The following STPG2 variants were observed in gnomAD, a reference collection of about 807,000 sequenced individuals.
The protein encoded by STPG2 is sperm tail PG-rich repeat containing 2.
A neutral mutation model predicts 54.2 loss-of-function variants in STPG2; 56 were observed. That is an observed-to-expected ratio of 1.03 (90% CI 0.83 to 1.29). The LOEUF (loss-of-function observed/expected upper bound fraction) is 1.29. Ranked by LOEUF, STPG2 falls within the 50% of genes most tolerant of loss-of-function variation. The pLI, the probability that STPG2 is intolerant of heterozygous loss-of-function variation, is 0.00. For missense variants in STPG2, 596 were observed against 544.9 expected (o/e 1.09, Z -0.93); for synonymous variants, 200 against 181.8 (o/e 1.10, Z -0.81).
intron 5 of STPG2, among the ~76,000 whole-genome samples, chr4:98,049,475 T>G (rs1737244410): frequency 6.6e-6 from 1 of 152,180 alleles, no homozygotes; most frequent in African/African-American, 2.4e-5. Flanking sequence ...GGCTCCCAAC[T>G]ATCAAAAACA....
intron 4 of STPG2, among the ~76,000 whole-genome samples, chr4:97,518,899 C>T (rs528841472): frequency 3.3e-5 from 5 of 152,122 alleles, no homozygotes; most frequent in African/African-American, 1.2e-4. Context: ...ATGCTAATGC[C>T]AGGGAACATT....
At chr4:97,633,985 C>A (rs1305687169) in intron 10 of STPG2, among the ~76,000 whole-genome samples, 2 of 152,176 alleles carry the variant, frequency 1.3e-5, no homozygotes, top group African/African-American at 4.8e-5. Flanking sequence ...TGGGTGGAGC[C>A]CACCACAGCT....
intron 4 of STPG2, among the ~76,000 whole-genome samples, chr4:97,545,598 G>C (rs1045292886): frequency 1.1e-4 from 16 of 152,008 alleles, no homozygotes; most frequent in African/African-American, 3.9e-4. Flanking sequence ...AATTACCAGG[G>C]TTAGTCTAGG....
At chr4:98,003,350 G>A (rs1226274897) in intron 5 of STPG2, among the ~76,000 whole-genome samples, 1 of 151,814 alleles carries the variant, frequency 6.6e-6, no homozygotes, top group African/African-American at 2.4e-5. Flanking sequence ...TGCTCTGTTG[G>A]AACATTTGGA....
At chr4:97,962,688 T>C (rs191486071) in intron 7 of STPG2, among the ~76,000 whole-genome samples, 1 of 152,334 alleles carries the variant, frequency 6.6e-6, no homozygotes, top group Admixed American at 6.5e-5. Context: ...TCACTTAGTA[T>C]TGCAACAACA....
intron 5 of STPG2, among the ~76,000 whole-genome samples, chr4:98,018,122 C>T (rs897366966): frequency 1.3e-5 from 2 of 151,992 alleles, no homozygotes; most frequent in Admixed American, 6.6e-5. Flanking sequence ...CACCCAATAA[C>T]TCATCATTTA....
At chr4:97,816,217 T>A (rs1030282440) in intron 9 of STPG2, among the ~76,000 whole-genome samples, 36 of 152,296 alleles carry the variant, frequency 2.4e-4, no homozygotes, top group African/African-American at 8.4e-4. Context: ...AACTTATCCT[T>A]TTTTATGGCT....
intron 8 of STPG2, among the ~76,000 whole-genome samples, chr4:97,879,305 C>G (rs972413933): frequency 6.6e-6 from 1 of 152,182 alleles, no homozygotes; most frequent in Non-Finnish European, 1.5e-5. Flanking sequence ...AGCAGTGCCC[C>G]ACTCTACTGG....
intron 8 of STPG2, among the ~76,000 whole-genome samples, chr4:97,914,822 G>A (rs1214330146): frequency 2.0e-5 from 3 of 152,276 alleles, no homozygotes; most frequent in African/African-American, 7.2e-5. Flanking sequence ...ATTTTGGAGC[G>A]TTTCCCATTT....
At chr4:97,957,500 GAAGT>G (rs1422219092) in intron 7 of STPG2, among the ~76,000 whole-genome samples, 1 of 152,062 alleles carries the variant, frequency 6.6e-6, no homozygotes, top group Non-Finnish European at 1.5e-5. Context: ...CATACTTGGG[GAAGT>G]AAGTGAGGAA....
chr4:97,718,845 C>G (rs1170360958), intron 9 of STPG2, among the ~76,000 whole-genome samples: 1 of 151,882 alleles, frequency 6.6e-6, no homozygotes, highest in Non-Finnish European at 1.5e-5. Context: ...TAAGAGACAG[C>G]AGACTACTGT....
chr4:97,775,093 A>T (rs951318714), intron 9 of STPG2, among the ~76,000 whole-genome samples: 1 of 152,210 alleles, frequency 6.6e-6, no homozygotes, highest in Admixed American at 6.5e-5. Flanking sequence ...AGTCTATCCT[A>T]TTTACCATCC....
Position 97,845,150 on chromosome 4 carries a change from T to C in STPG2, c.1045-4218A>G, listed in dbSNP as rs551557679. Among the ~76,000 whole-genome samples, 3 of 151,710 alleles carry C rather than the reference T, an allele frequency of 2.0e-5. No individual in the cohort carries two copies. In the South Asian group the frequency reaches 6.2e-4, roughly 32 times the overall value. Reference sequence around the variant, plus strand: ...AATTAATAGCTGATATTTACATATCTAATAAGTTTTTTTTTTGAAAAGTGG... The same window carrying C: ...AATTAATAGCTGATATTTACATATCCAATAAGTTTTTTTTTTGAAAAGTGG... On this transcript the variant is annotated intron_variant, in intron 8 of 10. Transcript: ENST00000295268.
chr4:98,114,596 C>G (rs574458134), intron 3 of STPG2, among the ~76,000 whole-genome samples: 184 of 152,046 alleles, frequency 1.2e-3, no homozygotes, highest in African/African-American at 4.2e-3. Flanking sequence ...AGACCTTGAG[C>G]AGGATTCTAT....
chr4:97,539,444 G>C (rs936181263), intron 4 of STPG2, among the ~76,000 whole-genome samples: 1 of 152,164 alleles, frequency 6.6e-6, no homozygotes, highest in Non-Finnish European at 1.5e-5. Flanking sequence ...AAGAGACAAA[G>C]AAGGCCATTA....
At chr4:97,754,689 A>G (rs1725677732) in intron 9 of STPG2, among the ~76,000 whole-genome samples, 1 of 151,900 alleles carries the variant, frequency 6.6e-6, no homozygotes, top group African/African-American at 2.4e-5. Flanking sequence ...CTATTTCACA[A>G]TTTCTCTCTT....
At chr4:97,785,839 CAA>C (rs11414456) in intron 9 of STPG2, among the ~76,000 whole-genome samples, 1 of 145,682 alleles carries the variant, frequency 6.9e-6, no homozygotes, top group Non-Finnish European at 1.5e-5. Flanking sequence ...GAAGACATGG[CAA>C]AAAAAAAACT....
At chr4:98,123,384 T>C (rs553368662) in intron 3 of STPG2, among the ~76,000 whole-genome samples, 2 of 152,318 alleles carry the variant, frequency 1.3e-5, no homozygotes, top group East Asian at 3.9e-4. Context: ...TCTGGTACAT[T>C]GTCTCTTTGT....
intron 4 of STPG2, among the ~76,000 whole-genome samples, chr4:97,524,789 C>T (rs919167300): frequency 6.6e-6 from 1 of 151,948 alleles, no homozygotes; most frequent in East Asian, 1.9e-4. Context: ...GTCTTCTGAG[C>T]AAAAGCAAGC....
Sources: allele counts gnomAD v4.1 joint callset (sites outside exome capture counted in the v4.1 genomes callset), GRCh38; gene constraint gnomAD v4.1.1; transcripts MANE v1.5; gene names NCBI Gene and HGNC (gene_info 2026-07-23, HGNC 2026-07-21).